Variants in HARS1 observed in about 807,000 individuals in gnomAD.
The protein encoded by HARS1 is histidine--tRNA ligase, cytoplasmic.
Under a neutral mutation model 63.6 loss-of-function variants are expected in HARS1, and 45 were observed. The observed-to-expected ratio is 0.71, with a 90% CI of 0.56 to 0.91. The LOEUF (loss-of-function observed/expected upper bound fraction) is 0.91. Ranked by LOEUF, HARS1 falls within the 40% of genes least tolerant of loss-of-function variation. The pLI is 0.00. For missense variants in HARS1, 508 were observed against 643.2 expected (o/e 0.79, Z 2.27); for synonymous variants, 205 against 247.1 (o/e 0.83, Z 1.60).
intron 2 of HARS1, chr5:140,684,297 AC>A (rs986849722): frequency 1.1e-6 from 1 of 935,348 alleles, no homozygotes; most frequent in South Asian, 5.0e-5. Context: ...CAAAACAAAA[AC>A]AAAAACAAAA....
chr5:140,674,333 C>G lies in HARS1; in HGVS notation c.1459-5G>C. On this transcript the variant is annotated splice_polypyrimidine_tract_variant and splice_region_variant and intron_variant, in intron 12 of 12. Coordinates refer to ENST00000504156, the MANE Select transcript of HARS1 (RefSeq NM_002109.6). ...GTCTTCTCTTCGGACATCCACCTGG[C>G]CAGGATGGGAGAAGAAGGTGGTATA... 1 of 1,601,314 alleles carries G rather than the reference C, an allele frequency of 6.2e-7. No individual in the cohort carries two copies.
At position 140,677,047 on chromosome 5, in the gene HARS1, C is replaced by A. The variant is rs1285433693; in HGVS notation, c.893G>T (p.Gly298Val). The A allele has an allele frequency of 1.2e-6, 2 of 1,614,164 alleles. No individual in the cohort carries two copies. Among genetic ancestry groups the A allele is most frequent in the Admixed American group, 1.7e-5 (1 of 60,030 alleles). ...KLSQNKQALE[G>V]LGDLKLLFEY... ...AAAGAGCAACTTCAGGTCTCCCAGG[C>A]CCTCCAAGGCCTGCTTGTTTTGGGA... The change falls in exon 9 of 13, where the codon GGC (glycine) becomes GTC (valine). Residue 298 changes from glycine to valine, a missense_variant. Transcript: ENST00000504156.
chr5:140,686,766 A>G (rs1759059131), intron 2 of HARS1, among the ~76,000 whole-genome samples: 1 of 148,484 alleles, frequency 6.7e-6, no homozygotes, highest in African/African-American at 2.5e-5. Flanking sequence ...ACGCCCAGCT[A>G]ATTTTTAGTA....
In HARS1 at chr5:140,691,316, A is replaced by G; in HGVS notation, c.-12T>C. 6.3e-7 allele frequency: 1 copy of G among 1,594,776 alleles called. No homozygotes were observed. The highest frequency in any genetic ancestry group is 1.3e-5 in the African/African-American group (1 of 74,574). On this transcript the variant is annotated 5_prime_UTR_variant, in exon 1 of 13. Coordinates refer to ENST00000504156, the MANE Select transcript of HARS1 (RefSeq NM_002109.6). The stretch of plus-strand genomic sequence containing the variant: ...GCACGCTCTGCCATCCCGGCTGTCC[A>G]CTTGAGCCGCCTGCTGTCTCGACCT...
Position 140,678,033 on chromosome 5 carries a change from GC to G in HARS1, c.523-19del. 7.1e-7 allele frequency: 1 copy of G among 1,404,122 alleles called. No individual in the cohort carries two copies. The highest frequency in any genetic ancestry group is 1.0e-6 in the Non-Finnish European group (1 of 988,886). 87.0% of individuals were successfully genotyped at this position (1,404,122 alleles called of 1,614,324 possible). A position where few individuals can be genotyped will look rare whatever the true frequency, so the allele number is the denominator to read the frequency against. On this transcript the variant is annotated intron_variant, in intron 5 of 12. Coordinates refer to ENST00000504156, the MANE Select transcript of HARS1 (RefSeq NM_002109.6). ...TCAAAATCCTGCAGGGAGAGGGTTA[GC>G]CAGCGGTCTTCAGGGATTCACCTTT...
At chr5:140,686,142 C>T (rs1401313750) in intron 2 of HARS1, among the ~76,000 whole-genome samples, 1 of 151,766 alleles carries the variant, frequency 6.6e-6, no homozygotes, top group East Asian at 2.0e-4. Flanking sequence ...ACCATGTTAG[C>T]CAGGATGGTC....
At chr5:140,686,820 C>T (rs747870054) in intron 2 of HARS1, among the ~76,000 whole-genome samples, 26 of 151,962 alleles carry the variant, frequency 1.7e-4, no homozygotes, top group African/African-American at 4.6e-4. Context: ...CTCAAACTCC[C>T]GACCTCAGGT....
chr5:140,684,150 C>T (rs1405443881), intron 2 of HARS1: 3 of 150,108 alleles, frequency 2.0e-5, no homozygotes, highest in East Asian at 4.1e-4. Context: ...ATTAGCCGGG[C>T]GTGGTGGCAG....
intron 5 of HARS1, chr5:140,678,388 G>A (rs1758520129): frequency 8.8e-6 from 2 of 226,068 alleles, no homozygotes. Flanking sequence ...CTATCACTGT[G>A]GTTTAAAATA....
At chr5:140,684,417 T>C (rs1009946649) in intron 2 of HARS1, 1 of 981,586 alleles carries the variant, frequency 1.0e-6, no homozygotes, top group Non-Finnish European at 1.2e-6. Context: ...CCAAATTTTA[T>C]AAGCAACGTT....
At chr5:140,685,719 C>T (rs377349890) in intron 2 of HARS1, among the ~76,000 whole-genome samples, 1 of 116,292 alleles carries the variant, frequency 8.6e-6, no homozygotes. Context: ...GACTCTGTCT[C>T]AAAAAAAAAA....
intron 12 of HARS1, 22 bp from the exon 13 acceptor site, chr5:140,674,350 G>T: frequency 6.5e-7 from 1 of 1,531,562 alleles, no homozygotes; most frequent in Non-Finnish European, 9.1e-7. Context: ...GGGAGAAGAA[G>T]GTGGTATAAG....
At chr5:140,682,458 G>A (rs1335621901) in intron 3 of HARS1, among the ~76,000 whole-genome samples, 10 of 152,164 alleles carry the variant, frequency 6.6e-5, no homozygotes, top group Admixed American at 6.5e-4. Context: ...AGATCACCTA[G>A]GGCTCTGTAA....
chr5:140,678,448 T>C (rs778801632), intron 5 of HARS1: 46 of 183,938 alleles, frequency 2.5e-4, no homozygotes, highest in Admixed American at 5.5e-4. Context: ...TTCTTATCCC[T>C]ATGATCTCTT....
intron 12 of HARS1, 56 bp downstream of exon 12, chr5:140,674,623 C>A: frequency 6.3e-7 from 1 of 1,594,758 alleles, no homozygotes; most frequent in Non-Finnish European, 8.6e-7. Context: ...TGGGCATGGG[C>A]CTGCCAAAAT....
intron 3 of HARS1, among the ~76,000 whole-genome samples, chr5:140,680,766 G>C (rs2149829458): frequency 6.6e-6 from 1 of 151,908 alleles, no homozygotes; most frequent in East Asian, 2.0e-4. Context: ...CTTGAACCCG[G>C]GAGGCAGAGG....
chr5:140,680,712 A>G (rs1758672447), intron 3 of HARS1, among the ~76,000 whole-genome samples: 1 of 151,924 alleles, frequency 6.6e-6, no homozygotes, highest in African/African-American at 2.4e-5. Flanking sequence ...GGGAGCTGGT[A>G]GGCATCTAAT....
At position 140,676,851 on chromosome 5, in the gene HARS1, C is replaced by T. The variant is rs761057148; in HGVS notation, c.997G>A (p.Gly333Arg). The T allele has an allele frequency of 6.2e-7, 1 of 1,614,204 alleles. No individual in the cohort carries two copies. The highest frequency in any genetic ancestry group is 1.7e-5 in the Admixed American group (1 of 60,032). ...AGCAGCACTGCCTCATAGATCACCC[C>T]AGTGTAGTAATCCAGCCCTCGAGCA... Reference protein sequence around the residue: ...SLARGLDYYTGVIYEAVLLQT... With the variant: ...SLARGLDYYTRVIYEAVLLQT... Residue 333 changes from glycine to arginine, a missense_variant, in exon 10 of 13, where the codon GGG becomes AGG. This residue lies in a region of HARS1 where 403 missense variants were observed against 548.7 expected (regional missense o/e 0.73). Coordinates refer to ENST00000504156, the MANE Select transcript of HARS1 (RefSeq NM_002109.6). This position sits in a 1 kb window ranked among gnomAD's most constrained non-coding sequence, Gnocchi z 4.1.
At chr5:140,683,556 GCA>G (rs1207092839) in intron 2 of HARS1, 2 of 1,038,552 alleles carry the variant, frequency 1.9e-6, no homozygotes, top group African/African-American at 3.4e-5. Context: ...CTGAGGCCAG[GCA>G]CAGTGGCTCA....
Sources: gnomAD v4.1 joint callset for allele counts (sites outside exome capture counted in the v4.1 genomes callset) on GRCh38, gnomAD v4.1.1 for gene constraint, gnomAD v4.1.1 regional missense constraint, Gnocchi (gnomAD v3.1) non-coding constraint, MANE v1.5 for transcripts, NCBI Gene and HGNC (gene_info 2026-07-23, HGNC 2026-07-21) for gene names.